The following TM7SF3 variants were observed in gnomAD, a reference collection of about 807,000 sequenced individuals.
TM7SF3 encodes seven span transmembrane protein.
Under a neutral mutation model 65.5 loss-of-function variants are expected in TM7SF3, and 60 were observed. That is an observed-to-expected ratio of 0.92 (90% CI 0.74 to 1.14). The LOEUF is 1.14. Among genes scored for constraint, TM7SF3 ranks in the 50% most tolerant of loss-of-function variants. The probability of loss-of-function intolerance (pLI) is 0.00; values close to 1 mark genes in which losing one functional copy is unlikely to be tolerated. For synonymous variants in TM7SF3, 264 were observed against 259.6 expected (o/e 1.02, Z -0.16); for missense variants, 623 against 684.8 (o/e 0.91, Z 1.01).
Position 26,995,274 on chromosome 12 carries a change from A to G in TM7SF3, c.653T>C (p.Met218Thr), listed in dbSNP as rs1940542053. ...GGCCTTCACCTGGGGCACACTGACC[A>G]TCCTCTGCAGATGCTTCAGCAACAT... ...EEMLLKHLQR[M>T]VSVPQVKASA... Residue 218 changes from methionine to threonine, a missense_variant, in exon 5 of 12, where the codon ATG becomes ACG. Met to Thr is a moderately conservative substitution (Grantham distance 81, BLOSUM62 -1). Transcript: ENST00000343028. The G allele has an allele frequency of 8.7e-6, 14 of 1,614,054 alleles. No homozygotes were observed. In the East Asian group the frequency reaches 2.2e-4, roughly 26 times the overall value.
chr12:26,998,400 T>C (rs1207110760), intron 3 of TM7SF3, among the ~76,000 whole-genome samples: 2 of 152,170 alleles, frequency 1.3e-5, no homozygotes, highest in Non-Finnish European at 2.9e-5. Context: ...ATTTAAATTA[T>C]GTACTCTGCA....
At chr12:27,001,033 A>C (rs1045225086) in intron 2 of TM7SF3, among the ~76,000 whole-genome samples, 1 of 152,152 alleles carries the variant, frequency 6.6e-6, no homozygotes, top group African/African-American at 2.4e-5. Flanking sequence ...GATAAGCATA[A>C]GAAAGAATGA....
chr12:26,988,936 C>A (rs1234863243), intron 6 of TM7SF3, among the ~76,000 whole-genome samples: 3 of 152,098 alleles, frequency 2.0e-5, no homozygotes, highest in African/African-American at 7.2e-5. Flanking sequence ...TTATGATGAT[C>A]CACTCTCACT....
rs1941359325 is a variant in TM7SF3, at chr12:27,014,259, G to C, written c.-91C>G. 1.6e-6 allele frequency: 2 copies of C among 1,229,322 alleles called. No individual in the cohort carries two copies. The highest frequency in any genetic ancestry group is 6.1e-5 in the East Asian group (2 of 32,934). The allele number at this position is 1,229,322 out of a possible 1,614,324, so 76.2% of individuals were successfully genotyped here. Reference sequence around the variant, plus strand: ...CCCGCAGCCTCGCCCACGCTATCCCGGGGCGCCCGCATCGGGCGCCATCGC... The same window carrying C: ...CCCGCAGCCTCGCCCACGCTATCCCCGGGCGCCCGCATCGGGCGCCATCGC... On this transcript the variant is annotated 5_prime_UTR_variant, in exon 1 of 12. Transcript: ENST00000343028.
At chr12:26,982,499 G>A (rs1412152288) in intron 7 of TM7SF3, among the ~76,000 whole-genome samples, 1 of 152,122 alleles carries the variant, frequency 6.6e-6, no homozygotes, top group Admixed American at 6.5e-5. Flanking sequence ...GTCTAATCTC[G>A]GTTATCTTTA....
intron 1 of TM7SF3, among the ~76,000 whole-genome samples, chr12:27,006,926 G>C (rs1194773353): frequency 6.6e-6 from 1 of 152,138 alleles, no homozygotes; most frequent in Non-Finnish European, 1.5e-5. Context: ...AAATAGTTCT[G>C]ATTTTGTGGA....
At position 27,003,374 on chromosome 12, in the gene TM7SF3, A is replaced by G. The variant is rs1940911094; in HGVS notation, c.108T>C (p.Ser36=). Residue 36 remains serine (S), a synonymous_variant, in exon 2 of 12, where the codon TCT becomes TCC. Transcript: ENST00000343028. The part of the protein sequence containing the change: ...GNSSEGLIEF[S]VGKFRYFELN... ...GCTCGAAGTATCTAAATTTCCCCAC[A>G]GAAAATTCAATAAGACCTACAACGA... 1 of 1,612,016 alleles carries G rather than the reference A, an allele frequency of 6.2e-7. No individual in the cohort carries two copies. The highest frequency in any genetic ancestry group is 1.7e-5 in the Admixed American group (1 of 59,630).
Position 26,973,102 on chromosome 12 carries a change from A to C in TM7SF3, c.*863T>G, listed in dbSNP as rs2136369947. On this transcript the variant is annotated 3_prime_UTR_variant, in exon 12 of 12. Coordinates refer to ENST00000343028, the MANE Select transcript of TM7SF3 (RefSeq NM_016551.3). ...AAATACTGAAAAAAAAACAAAGGGT[A>C]ACTTTTGGATAATGTATGATACTAA... 1 of 152,236 alleles carries C rather than the reference A, an allele frequency of 6.6e-6. No individual in the cohort carries two copies. The highest frequency in any genetic ancestry group is 6.5e-5 in the Admixed American group (1 of 15,292). The allele number at this position is 152,236 out of a possible 1,614,324, so 9.4% of individuals were successfully genotyped here.
At chr12:27,013,251 A>T (rs996826479) in intron 1 of TM7SF3, among the ~76,000 whole-genome samples, 3 of 152,228 alleles carry the variant, frequency 2.0e-5, no homozygotes, top group Non-Finnish European at 4.4e-5. Context: ...TAAACGAATT[A>T]ATATCTCATA....
At chr12:27,007,339 G>A (rs1163532760) in intron 1 of TM7SF3, among the ~76,000 whole-genome samples, 1 of 152,136 alleles carries the variant, frequency 6.6e-6, no homozygotes, top group Non-Finnish European at 1.5e-5. Flanking sequence ...GTAAAACCTG[G>A]TCACTTGACA....
intron 6 of TM7SF3, 88 bp from the exon 7 acceptor site, chr12:26,982,947 TAA>T: frequency 1.1e-6 from 1 of 914,764 alleles, no homozygotes; most frequent in Non-Finnish European, 1.6e-6. Context: ...TCAAAAAAGC[TAA>T]GTGAACTGAC....
intron 2 of TM7SF3, among the ~76,000 whole-genome samples, chr12:27,002,082 A>C (rs779269944): frequency 6.6e-6 from 1 of 152,298 alleles, no homozygotes; most frequent in East Asian, 1.9e-4. Context: ...ACATGCACAC[A>C]ATTTCCAAAC....
chr12:26,990,664 G>C, intron 5 of TM7SF3, 37 bp from the exon 6 acceptor site: 1 of 1,553,096 alleles, frequency 6.4e-7, no homozygotes, highest in Non-Finnish European at 8.8e-7. Context: ...GTGTTTAGGG[G>C]ATTTTTTTAA....
At chr12:26,978,681 A>G (rs1301779329) in intron 9 of TM7SF3, 3 of 152,008 alleles carry the variant, frequency 2.0e-5, no homozygotes, top group East Asian at 3.9e-4. Flanking sequence ...GGTTCAAGCA[A>G]TCCTCTAGCC....
chr12:26,982,267 C>T (rs1185120699), intron 7 of TM7SF3, among the ~76,000 whole-genome samples: 1 of 152,208 alleles, frequency 6.6e-6, no homozygotes, highest in African/African-American at 2.4e-5. Context: ...AACTCCTGAG[C>T]TCAAGCAGTC....
At chr12:27,013,998 A>C in intron 1 of TM7SF3, 80 bp downstream of exon 1, 1 of 1,234,028 alleles carries the variant, frequency 8.1e-7, no homozygotes, top group Non-Finnish European at 1.2e-6. Context: ...TGCTAGGCTG[A>C]CAGACCCCTG....
At chr12:27,000,230 C>T (rs886680810) in intron 2 of TM7SF3, among the ~76,000 whole-genome samples, 2 of 152,170 alleles carry the variant, frequency 1.3e-5, no homozygotes, top group African/African-American at 2.4e-5. Context: ...TGTGAAGACA[C>T]AAACATTCTG....
At chr12:26,981,807 A>C (rs1022228153) in intron 7 of TM7SF3, among the ~76,000 whole-genome samples, 1 of 152,182 alleles carries the variant, frequency 6.6e-6, no homozygotes, top group Non-Finnish European at 1.5e-5. Flanking sequence ...CTTATATAAA[A>C]AGCAGCCCAA....
intron 6 of TM7SF3, 119 bp from the exon 7 acceptor site, chr12:26,982,978 G>A: frequency 1.5e-6 from 1 of 664,704 alleles, no homozygotes; most frequent in Non-Finnish European, 2.4e-6. Context: ...TCCCATACAT[G>A]TATATTACAA....
Sources: allele counts gnomAD v4.1 joint callset (sites outside exome capture counted in the v4.1 genomes callset), GRCh38; gene constraint gnomAD v4.1.1; transcripts MANE v1.5; gene names NCBI Gene and HGNC (gene_info 2026-07-23, HGNC 2026-07-21).